SAMTOR: variants seen among roughly 807,000 people sequenced by gnomAD.
The protein encoded by SAMTOR is UPF0532 protein C7orf60.
chr7:112,916,905 T>C, the SAMTOR span, among the ~76,000 whole-genome samples: 5 of 152,174 alleles, frequency 3.3e-5, no homozygotes, highest in East Asian at 5.8e-4. Flanking sequence ...GCGCCCGCCA[T>C]TGCCCAGGCT....
the SAMTOR span, among the ~76,000 whole-genome samples, chr7:112,864,514 G>T: frequency 6.6e-6 from 1 of 152,078 alleles, no homozygotes; most frequent in Non-Finnish European, 1.5e-5. Flanking sequence ...AAGATCTTTG[G>T]GGGGTAGGCT....
the SAMTOR span, among the ~76,000 whole-genome samples, chr7:112,902,429 C>CAAAA: frequency 8.5e-5 from 5 of 58,608 alleles, no homozygotes; most frequent in South Asian, 8.4e-4. Context: ...AAAAAAAAAA[C>CAAAA]AAAAAAAAAC....
the SAMTOR span, among the ~76,000 whole-genome samples, chr7:112,936,487 T>A: frequency 3.9e-5 from 6 of 152,170 alleles, no homozygotes; most frequent in African/African-American, 1.4e-4. Flanking sequence ...TACAACCCTG[T>A]TCACCCTTCC....
chr7:112,917,572 C>A, the SAMTOR span, among the ~76,000 whole-genome samples: 4 of 152,178 alleles, frequency 2.6e-5, no homozygotes, highest in African/African-American at 9.7e-5. Context: ...CAGTTCCTCA[C>A]CAGCAACGGA....
At chr7:112,911,971 A>G in the SAMTOR span, among the ~76,000 whole-genome samples, 1 of 151,818 alleles carries the variant, frequency 6.6e-6, no homozygotes, top group African/African-American at 2.4e-5. Context: ...AAAAAAACCA[A>G]GAACCTAAAG....
chr7:112,828,649 T>C, the SAMTOR span, among the ~76,000 whole-genome samples: 2 of 141,880 alleles, frequency 1.4e-5, no homozygotes, highest in African/African-American at 5.6e-5. Flanking sequence ...CAATGGTAAA[T>C]TATCTTTAAA....
At chr7:112,853,790 G>A in the SAMTOR span, among the ~76,000 whole-genome samples, 1 of 152,070 alleles carries the variant, frequency 6.6e-6, no homozygotes, top group Non-Finnish European at 1.5e-5. Context: ...CATATGGTGG[G>A]CTTCCATAAA....
At chr7:112,922,004 G>A in the SAMTOR span, among the ~76,000 whole-genome samples, 24 of 151,582 alleles carry the variant, frequency 1.6e-4, no homozygotes, top group African/African-American at 5.1e-4. Context: ...CTCTGATGCC[G>A]AGCCGAAGCT....
the SAMTOR span, among the ~76,000 whole-genome samples, chr7:112,825,741 CCTTAT>C: frequency 6.6e-6 from 1 of 152,186 alleles, no homozygotes; most frequent in African/African-American, 2.4e-5. Context: ...GAGTAAACAT[CCTTAT>C]CTTGTTTTTG....
the SAMTOR span, among the ~76,000 whole-genome samples, chr7:112,839,819 G>A: frequency 6.6e-6 from 1 of 151,438 alleles, no homozygotes; most frequent in Admixed American, 6.6e-5. Flanking sequence ...GATACTATTA[G>A]GCACAAATTA....
At chr7:112,838,158 GGTTTATGTGTAGAATGA>G in the SAMTOR span, among the ~76,000 whole-genome samples, 1 of 151,904 alleles carries the variant, frequency 6.6e-6, no homozygotes, top group Non-Finnish European at 1.5e-5. Context: ...TCAGTTGGGA[GGTTTATGTGTAGAATGA>G]GTCAAATTTT....
chr7:112,846,926 C>A, the SAMTOR span, among the ~76,000 whole-genome samples: 1 of 152,220 alleles, frequency 6.6e-6, no homozygotes, highest in South Asian at 2.1e-4. Context: ...TTAATTACTG[C>A]TTATAATTGT....
chr7:112,885,119 C>T, the SAMTOR span, among the ~76,000 whole-genome samples: 1 of 152,200 alleles, frequency 6.6e-6, no homozygotes, highest in Non-Finnish European at 1.5e-5. Flanking sequence ...ACAGCTGGAG[C>T]TGAAGCAGCT....
At chr7:112,883,803 T>C in the SAMTOR span, among the ~76,000 whole-genome samples, 3 of 152,360 alleles carry the variant, frequency 2.0e-5, no homozygotes, top group Admixed American at 2.0e-4. Context: ...CTTCCCACTA[T>C]TTTCCTTCTA....
At chr7:112,849,571 A>T in the SAMTOR span, among the ~76,000 whole-genome samples, 1 of 152,146 alleles carries the variant, frequency 6.6e-6, no homozygotes, top group Non-Finnish European at 1.5e-5. Flanking sequence ...CTTCTTTTCC[A>T]ATTTGGATGC....
At chr7:112,895,511 C>T in the SAMTOR span, 6 of 1,259,548 alleles carry the variant, frequency 4.8e-6, no homozygotes, top group Admixed American at 6.7e-5. Context: ...TGAACCACTG[C>T]ATTATTTCAC....
the SAMTOR span, chr7:112,821,572 A>C: frequency 5.5e-6 from 3 of 549,058 alleles, no homozygotes; most frequent in Non-Finnish European, 9.1e-6. Context: ...TAAGCTTTCT[A>C]TATAAGAATA....
chr7:112,905,241 C>G, the SAMTOR span, among the ~76,000 whole-genome samples: 1 of 152,170 alleles, frequency 6.6e-6, no homozygotes, highest in African/African-American at 2.4e-5. Flanking sequence ...CTGACAAAAT[C>G]TGGTGCTTCC....
chr7:112,823,638 T>C, the SAMTOR span, among the ~76,000 whole-genome samples: 2 of 152,214 alleles, frequency 1.3e-5, no homozygotes, highest in African/African-American at 4.8e-5. Context: ...AGTATTCCCA[T>C]ACATGTGTTT....
Sources: allele counts gnomAD v4.1 joint callset (sites outside exome capture counted in the v4.1 genomes callset), GRCh38; gene constraint gnomAD v4.1.1; transcripts MANE v1.5; gene names NCBI Gene and HGNC (gene_info 2026-07-23, HGNC 2026-07-21).